Variants in PDZD2 observed in about 807,000 individuals in gnomAD.
PDZD2 encodes PDZ domain containing 2.
In PDZD2, 90 loss-of-function variants were observed where a neutral mutation model predicts 220.7. That is an observed-to-expected ratio of 0.41 (90% CI 0.34 to 0.49). The LOEUF is 0.49. Among genes scored for constraint, PDZD2 ranks in the 20% least tolerant of loss-of-function variants. PDZD2 has a pLI of 0.28. For missense variants in PDZD2, 3,174 were observed against 3,608.5 expected, an observed-to-expected ratio of 0.88 and a Z score of 3.08; for synonymous variants, 1,375 against 1,450.5, an observed-to-expected ratio of 0.95 and a Z score of 1.18.
At chr5:31,920,770 T>G (rs1441199605) in intron 2 of PDZD2, among the ~76,000 whole-genome samples, 1 of 152,126 alleles carries the variant, frequency 6.6e-6, no homozygotes, top group Admixed American at 6.5e-5. Context: ...TCTGTGCCCA[T>G]TTTTCCCTTT....
chr5:31,679,486 T>TGTG (rs1387956237), intron 1 of PDZD2, among the ~76,000 whole-genome samples: 5 of 151,948 alleles, frequency 3.3e-5, no homozygotes, highest in East Asian at 1.9e-4. Context: ...TGTGTTGTGT[T>TGTG]GAGTTGCATT....
intron 2 of PDZD2, among the ~76,000 whole-genome samples, chr5:31,831,911 CAAA>C (rs56394577): frequency 3.1e-5 from 2 of 63,732 alleles, no homozygotes; most frequent in Non-Finnish European, 5.4e-5. Context: ...GAGACTGTTT[CAAA>C]AAAAAAAAAA....
At chr5:31,892,182 T>C (rs1458726434) in intron 2 of PDZD2, among the ~76,000 whole-genome samples, 1 of 152,100 alleles carries the variant, frequency 6.6e-6, no homozygotes, top group Non-Finnish European at 1.5e-5. Flanking sequence ...AGTGCTGGGA[T>C]TACAGGCATG....
chr5:31,687,796 G>A (rs149893850), intron 1 of PDZD2, among the ~76,000 whole-genome samples: 3 of 152,286 alleles, frequency 2.0e-5, no homozygotes, highest in Non-Finnish European at 2.9e-5. Flanking sequence ...GAGAGAGCGC[G>A]CTGATGTCTC....
intron 14 of PDZD2, among the ~76,000 whole-genome samples, chr5:32,062,716 G>A (rs1321974780): frequency 6.6e-6 from 1 of 152,038 alleles, no homozygotes; most frequent in African/African-American, 2.4e-5. Flanking sequence ...TTAAATTCAT[G>A]CCAGGATCCT....
chr5:31,930,500 G>C (rs918954079), intron 2 of PDZD2, among the ~76,000 whole-genome samples: 1 of 151,882 alleles, frequency 6.6e-6, no homozygotes, highest in Non-Finnish European at 1.5e-5. Flanking sequence ...CGTCCGGCCA[G>C]GTATTTCCCT....
At chr5:31,872,775 C>T (rs1355333600) in intron 2 of PDZD2, among the ~76,000 whole-genome samples, 2 of 151,602 alleles carry the variant, frequency 1.3e-5, no homozygotes. Flanking sequence ...TATCTACATA[C>T]GTGTGTGTAT....
At chr5:31,794,695 C>A (rs1306650578) in intron 1 of PDZD2, among the ~76,000 whole-genome samples, 2 of 152,088 alleles carry the variant, frequency 1.3e-5, no homozygotes, top group Admixed American at 6.5e-5. Flanking sequence ...GTATGAACCA[C>A]TACGCCCAGC....
At chr5:31,846,421 C>T (rs138680479) in intron 2 of PDZD2, among the ~76,000 whole-genome samples, 8 of 152,340 alleles carry the variant, frequency 5.3e-5, no homozygotes, top group Non-Finnish European at 8.8e-5. Flanking sequence ...AGGCGTGAGC[C>T]ACCACGCCTG....
At chr5:31,989,424 T>TTTTTTTTTTATTTATTTATTTA (rs1751016957) in intron 3 of PDZD2, among the ~76,000 whole-genome samples, 2 of 136,690 alleles carry the variant, frequency 1.5e-5, no homozygotes, top group South Asian at 2.6e-4. Flanking sequence ...TTCTTTTCTT[T>TTTTTTTTTTATTTATTTATTTA]TTTTTTTTTT....
intron 2 of PDZD2, among the ~76,000 whole-genome samples, chr5:31,878,051 A>G (rs1002656400): frequency 2.0e-5 from 3 of 152,154 alleles, no homozygotes; most frequent in African/African-American, 4.8e-5. Flanking sequence ...TAGTATTTTC[A>G]TAGAGTGATA....
chr5:31,795,876 G>T (rs1753992102), intron 1 of PDZD2, among the ~76,000 whole-genome samples: 1 of 152,212 alleles, frequency 6.6e-6, no homozygotes, highest in East Asian at 1.9e-4. Context: ...ATAGGTATGG[G>T]ATTGAAAGGC....
At chr5:31,951,907 C>T (rs1164844553) in intron 2 of PDZD2, among the ~76,000 whole-genome samples, 1 of 152,166 alleles carries the variant, frequency 6.6e-6, no homozygotes, top group Non-Finnish European at 1.5e-5. Flanking sequence ...TTTTCTTTGC[C>T]CGCAAGCGTC....
chr5:31,797,094 AT>A (rs756548601), intron 1 of PDZD2, among the ~76,000 whole-genome samples: 6,951 of 66,194 alleles, frequency 0.11, 267 homozygotes, highest in Middle Eastern at 0.14. Flanking sequence ...CACCCAGCTA[AT>A]TTTTTTTTTT....
chr5:32,020,651 T>C (rs1412660535), intron 6 of PDZD2, among the ~76,000 whole-genome samples: 1 of 111,376 alleles, frequency 9.0e-6, no homozygotes, highest in Non-Finnish European at 2.3e-5. Context: ...TCTTTTTTTT[T>C]TTCTTTTTTT....
At position 32,107,982 on chromosome 5, in the gene PDZD2, A is replaced by G; in HGVS notation, c.8367A>G (p.Glu2789=). ...TTATTCTCGTAGGTGGTGCGGCTGA[A>G]CAAGCTGGAATAATAGAAGCTGGAG... ...IKRVYKGGAA[E]QAGIIEAGDE... Residue 2789 remains glutamate, a synonymous_variant, in exon 25 of 25, where the codon GAA becomes GAG. Transcript: ENST00000438447. The G allele has an allele frequency of 1.4e-5, 22 of 1,613,120 alleles. No individual in the cohort carries two copies. The highest frequency in any genetic ancestry group is 1.9e-5 in the Non-Finnish European group (22 of 1,179,206).
At chr5:32,101,498 C>A (rs1001024626) in intron 24 of PDZD2, among the ~76,000 whole-genome samples, 1 of 152,282 alleles carries the variant, frequency 6.6e-6, no homozygotes, top group East Asian at 1.9e-4. Context: ...CTGTAAGTGG[C>A]AGAACCAGGC....
At chr5:31,910,052 A>G (rs775176852) in intron 2 of PDZD2, among the ~76,000 whole-genome samples, 11 of 152,040 alleles carry the variant, frequency 7.2e-5, no homozygotes, top group Non-Finnish European at 1.6e-4. Flanking sequence ...ACATGTATTA[A>G]CTCGTTTATG....
intron 2 of PDZD2, among the ~76,000 whole-genome samples, chr5:31,858,999 GC>G (rs764710628): frequency 2.6e-5 from 4 of 152,068 alleles, no homozygotes; most frequent in Non-Finnish European, 5.9e-5. Context: ...ACAGATGTGA[GC>G]CCCCGAGCCC....
Sources: gnomAD v4.1 joint callset for allele counts (sites outside exome capture counted in the v4.1 genomes callset) on GRCh38, gnomAD v4.1.1 for gene constraint, MANE v1.5 for transcripts, NCBI Gene and HGNC (gene_info 2026-07-23, HGNC 2026-07-21) for gene names.